Variants in POLR3A observed in about 807,000 individuals in gnomAD.
The protein encoded by POLR3A is RNA polymerase III subunit A.
A neutral mutation model predicts 152.8 loss-of-function variants in POLR3A; 112 were observed. The observed-to-expected ratio is 0.73, with a 90% confidence interval of 0.63 to 0.86. The LOEUF (loss-of-function observed/expected upper bound fraction) is 0.86. Among genes scored for constraint, POLR3A ranks in the 40% least tolerant of loss-of-function variants. The pLI is 0.00. For synonymous variants in POLR3A, 615 were observed against 652.1 expected (o/e 0.94, Z 0.87); for missense variants, 1,385 against 1,743.1 (o/e 0.79, Z 3.66).
At chr10:77,998,428 A>G (rs1847323643) in intron 19 of POLR3A, among the ~76,000 whole-genome samples, 1 of 152,234 alleles carries the variant, frequency 6.6e-6, no homozygotes, top group Non-Finnish European at 1.5e-5. Context: ...AACATCCAGA[A>G]TCTACAATGA....
At chr10:77,978,495 T>A (rs1180686810) in intron 30 of POLR3A, among the ~76,000 whole-genome samples, 4 of 152,070 alleles carry the variant, frequency 2.6e-5, no homozygotes, top group Non-Finnish European at 5.9e-5. Flanking sequence ...GCCGCAGAGC[T>A]GCGGCAAAGG....
intron 10 of POLR3A, among the ~76,000 whole-genome samples, chr10:78,017,265 A>C (rs1375913727): frequency 6.6e-6 from 1 of 151,916 alleles, no homozygotes; most frequent in Non-Finnish European, 1.5e-5. Flanking sequence ...GTCTCAACCA[A>C]AAACCAAAAA....
chr10:77,981,591 C>G, intron 28 of POLR3A, 32 bp from the exon 29 acceptor site: 17 of 1,613,378 alleles, frequency 1.1e-5, no homozygotes, highest in Middle Eastern at 1.7e-4. Context: ...CAGAAGCAGC[C>G]CCTTCCGGGA....
At chr10:78,028,000 C>A (rs992343182) in intron 1 of POLR3A, among the ~76,000 whole-genome samples, 1 of 152,180 alleles carries the variant, frequency 6.6e-6, no homozygotes, top group African/African-American at 2.4e-5. Context: ...AGAGCTACCA[C>A]ATGGGAGAAT....
intron 5 of POLR3A, among the ~76,000 whole-genome samples, chr10:78,023,549 G>A (rs1196901805): frequency 2.0e-5 from 3 of 152,064 alleles, no homozygotes; most frequent in Non-Finnish European, 4.4e-5. Context: ...GGAGGCTGAC[G>A]CAGGAGGATT....
Position 78,007,833 on chromosome 10 carries a change from C to T in POLR3A, c.1943G>A (p.Gly648Asp). ...VTIQNSELMS[G>D]SMDKGTLGSG... Reference sequence around the variant, plus strand: ...CCCTAGGGTTCCTTTGTCCATGCTGCCACTCATCAACTCACTGTTCTGGAT... The same window carrying T: ...CCCTAGGGTTCCTTTGTCCATGCTGTCACTCATCAACTCACTGTTCTGGAT... The change falls in exon 15 of 31, where the codon GGC (glycine) becomes GAC (aspartate). Residue 648 changes from glycine (G) to aspartate (D), a missense_variant. Gly to Asp is a moderately conservative substitution (Grantham distance 94). This residue lies in a region of POLR3A where 188 missense variants were observed against 179.9 expected (regional missense o/e 1.04). Transcript: ENST00000372371. 1 of 1,613,624 alleles carries T rather than the reference C, an allele frequency of 6.2e-7. No homozygotes were observed. The highest frequency in any genetic ancestry group is 2.2e-5 in the East Asian group (1 of 44,878).
At position 77,981,317 on chromosome 10, in the gene POLR3A, G is replaced by C; in HGVS notation, c.3891+111C>G. 1.9e-6 allele frequency: 2 copies of C among 1,041,256 alleles called. 1 individual carries two copies. Among genetic ancestry groups the C allele is most frequent in the Non-Finnish European group, 3.0e-6 (2 of 664,608 alleles). The allele number at this position is 1,041,256 out of a possible 1,614,324, so 64.5% of individuals were successfully genotyped here. ...TGTTCACATCTTATTTTCTCTCTAT[G>C]ATGGTCCTCACAGCAGCGTATTCTA... On this transcript the variant is annotated intron_variant, in intron 29 of 30. Coordinates refer to ENST00000372371, the MANE Select transcript of POLR3A (RefSeq NM_007055.4).
In POLR3A at chr10:78,025,267, G is replaced by T. The variant is rs117149713; in HGVS notation, c.319-125C>A. The stretch of plus-strand genomic sequence containing the variant: ...GACCATATACACAGATCTGCAAATG[G>T]CTCTATACTATGGATATGCAGAGAG... On this transcript the variant is annotated intron_variant, in intron 3 of 30. Coordinates refer to ENST00000372371, the MANE Select transcript of POLR3A (RefSeq NM_007055.4). The T allele has an allele frequency of 9.5e-3, 9,351 of 987,694 alleles. 68 individuals are homozygous for T. Among genetic ancestry groups the T allele is most frequent in the Non-Finnish European group, 0.011 (7,288 of 638,388 alleles). The allele number at this position is 987,694 out of a possible 1,614,324, so 61.2% of individuals were successfully genotyped here.
chr10:77,998,310 A>C (rs1444545675), intron 19 of POLR3A, among the ~76,000 whole-genome samples: 8 of 152,048 alleles, frequency 5.3e-5, no homozygotes, highest in Non-Finnish European at 1.2e-4. Context: ...AATGGGATCT[A>C]ATTAAACTAA....
intron 11 of POLR3A, among the ~76,000 whole-genome samples, chr10:78,012,213 A>T (rs1394173871): frequency 6.6e-6 from 1 of 152,042 alleles, no homozygotes. Context: ...AAGAGTACAA[A>T]ATTAGCTGGG....
chr10:78,003,849 C>T (rs1453244773), intron 16 of POLR3A, among the ~76,000 whole-genome samples: 1 of 151,770 alleles, frequency 6.6e-6, no homozygotes, highest in Non-Finnish European at 1.5e-5. Context: ...TAATTGCTTG[C>T]ACCCAGGAGG....
In POLR3A at chr10:77,999,885, AAATT is replaced by A. The variant is rs1847339382; in HGVS notation, c.2616+92_2616+95del. 3.2e-6 allele frequency: 4 copies of A among 1,239,994 alleles called. No individual in the cohort carries two copies. In the East Asian group the frequency reaches 9.3e-5, roughly 29 times the overall value. 76.8% of individuals were successfully genotyped at this position (1,239,994 alleles called of 1,614,324 possible). ...TTTTAAATTTAACCCAAGACTAGAT[AAATT>A]ACAGCTCATGTGCAAAACGTGTACT... On this transcript the variant is annotated intron_variant, in intron 19 of 30. Transcript: ENST00000372371.
rs770641578 is a variant in POLR3A at position 78,007,716 on chromosome 10, G to C, written c.2060C>G (p.Ala687Gly). ...ADAMSRLARL[A>G]PVYLSNRGFS... ...GAGATACTTACACAGGTAGACAGGAGCCAGCCTGGCGAGCCGTGACATGGC... is the reference window on the plus strand; with the variant it reads ...GAGATACTTACACAGGTAGACAGGACCCAGCCTGGCGAGCCGTGACATGGC... Residue 687 changes from alanine to glycine, a missense_variant, in exon 15 of 31, where the codon GCT becomes GGT. Coordinates refer to ENST00000372371, the MANE Select transcript of POLR3A (RefSeq NM_007055.4). 1 of 1,613,838 alleles carries C rather than the reference G, an allele frequency of 6.2e-7. No individual in the cohort carries two copies. The highest frequency in any genetic ancestry group is 1.7e-5 in the Admixed American group (1 of 60,008).
rs1286680265 is a variant in POLR3A, at chr10:77,976,866, T to C, written c.*612A>G. ...CAGTTACAAATCCCAGACGGCTCTA[T>C]TTGCTTAAACCAGTTTTTCCAGTGA... On this transcript the variant is annotated 3_prime_UTR_variant, in exon 31 of 31. Coordinates refer to ENST00000372371, the MANE Select transcript of POLR3A (RefSeq NM_007055.4). 1 of 154,148 alleles carries C rather than the reference T, an allele frequency of 6.5e-6. No homozygotes were observed. Among genetic ancestry groups the C allele is most frequent in the African/African-American group, 2.4e-5 (1 of 41,472 alleles). The allele number at this position is 154,148 out of a possible 1,614,324, so 9.5% of individuals were successfully genotyped here. A position where few individuals can be genotyped will look rare whatever the true frequency, so the allele number is the denominator to read the frequency against.
At chr10:77,998,135 C>T (rs1227629658) in intron 19 of POLR3A, among the ~76,000 whole-genome samples, 1 of 152,112 alleles carries the variant, frequency 6.6e-6, no homozygotes, top group Non-Finnish European at 1.5e-5. Flanking sequence ...TTCCTTATAC[C>T]TTATACAAAA....
At chr10:77,982,531 TGG>T (rs1847156952) in intron 27 of POLR3A, 120 bp downstream of exon 27, 1 of 984,676 alleles carries the variant, frequency 1.0e-6, no homozygotes, top group Admixed American at 2.0e-5. Flanking sequence ...ACTAACTCCT[TGG>T]GGATAAGGCC....
chr10:77,979,432 G>T (rs1467023503), intron 30 of POLR3A, among the ~76,000 whole-genome samples: 1 of 152,220 alleles, frequency 6.6e-6, no homozygotes, highest in Non-Finnish European at 1.5e-5. Context: ...GAATCAGAAA[G>T]GCTCGAGCAA....
At chr10:77,986,532 GTTC>G (rs1355043869) in intron 21 of POLR3A, among the ~76,000 whole-genome samples, 1 of 152,188 alleles carries the variant, frequency 6.6e-6, no homozygotes, top group Admixed American at 6.5e-5. Flanking sequence ...CATTTATACT[GTTC>G]TTCTACAGAT....
intron 17 of POLR3A, among the ~76,000 whole-genome samples, chr10:78,001,780 C>A (rs1247537242): frequency 6.6e-6 from 1 of 152,120 alleles, no homozygotes; most frequent in African/African-American, 2.4e-5. Context: ...GGACGACAGG[C>A]ACAAGCCACC....
Sources: allele counts gnomAD v4.1 joint callset (sites outside exome capture counted in the v4.1 genomes callset), GRCh38; gene constraint gnomAD v4.1.1; regional missense constraint gnomAD v4.1.1; transcripts MANE v1.5; gene names NCBI Gene and HGNC (gene_info 2026-07-23, HGNC 2026-07-21).